CFAP36: variants seen among roughly 807,000 people sequenced by gnomAD.
The protein encoded by CFAP36 is cilia- and flagella-associated protein 36.
Under a neutral mutation model 50.5 loss-of-function variants are expected in CFAP36, and 37 were observed. The observed-to-expected ratio is 0.73, with a 90% CI of 0.56 to 0.96. The LOEUF is 0.96. Ranked by LOEUF, CFAP36 falls within the 50% of genes least tolerant of loss-of-function variation. CFAP36 has a pLI of 0.00. For missense variants in CFAP36, 407 were observed against 396.2 expected, an observed-to-expected ratio of 1.03 and a Z score of -0.23; for synonymous variants, 138 against 128.2, an observed-to-expected ratio of 1.08 and a Z score of -0.52.
chr2:55,543,484 C>T (rs941476231), intron 7 of CFAP36, among the ~76,000 whole-genome samples: 2 of 152,102 alleles, frequency 1.3e-5, no homozygotes, highest in African/African-American at 2.4e-5. Flanking sequence ...TGCACTCTTG[C>T]AATACAAAAA....
At chr2:55,524,612 C>T (rs1684153126) in intron 3 of CFAP36, among the ~76,000 whole-genome samples, 1 of 151,902 alleles carries the variant, frequency 6.6e-6, no homozygotes, top group African/African-American at 2.4e-5. Context: ...ATATTTTGGG[C>T]ACTTGACATG....
Position 55,519,726 on chromosome 2 carries a change from T to C in CFAP36, c.-76T>C, listed in dbSNP as rs1305449189. The C allele has an allele frequency of 4.8e-6, 7 of 1,443,668 alleles. No individual in the cohort carries two copies. The highest frequency in any genetic ancestry group is 1.4e-5 in the African/African-American group (1 of 71,606). The allele number at this position is 1,443,668 out of a possible 1,614,324, so 89.4% of individuals were successfully genotyped here. Reference sequence around the variant, plus strand: ...AGCTCTTCCCCTACTCCCTCTCGGCTCCTTGTGGCCCAAAGGCCTAACCGG... The same window carrying C: ...AGCTCTTCCCCTACTCCCTCTCGGCCCCTTGTGGCCCAAAGGCCTAACCGG... On this transcript the variant is annotated 5_prime_UTR_variant, in exon 1 of 10. Coordinates refer to ENST00000349456, the MANE Select transcript of CFAP36 (RefSeq NM_080667.7).
chr2:55,523,572 T>C (rs1684127067), intron 2 of CFAP36, 149 bp from the exon 3 acceptor site: 1 of 475,902 alleles, frequency 2.1e-6, no homozygotes, highest in East Asian at 3.2e-5. Context: ...AATTTGTGTT[T>C]TGGTGAAAGA....
intron 1 of CFAP36, chr2:55,520,592 C>T: frequency 1.3e-6 from 1 of 749,882 alleles, no homozygotes; most frequent in South Asian, 2.8e-5. Flanking sequence ...GGACAGGCAT[C>T]TCCGGGTTCT....
chr2:55,539,022 A>G (rs898348009), intron 7 of CFAP36: 5 of 1,000,142 alleles, frequency 5.0e-6, no homozygotes, highest in Non-Finnish European at 6.7e-6. Flanking sequence ...TTTCCCCCAT[A>G]TAGTCCCTGC....
chr2:55,522,953 G>T (rs1271979176), intron 2 of CFAP36, among the ~76,000 whole-genome samples: 1 of 151,948 alleles, frequency 6.6e-6, no homozygotes, highest in Non-Finnish European at 1.5e-5. Context: ...AAATTAATCA[G>T]TCATGATGGC....
rs1000079986 is a variant in CFAP36, at chr2:55,521,589, GTA to G, written c.116-507_116-506del. The stretch of plus-strand genomic sequence containing the variant: ...CAAAAAAGCTTGTTTACAATTAATA[GTA>G]TATATGTGTGTGTGTGTGTGTGTGT... On this transcript the variant is annotated intron_variant, in intron 1 of 9. Coordinates refer to ENST00000349456, the MANE Select transcript of CFAP36 (RefSeq NM_080667.7). Among the ~76,000 whole-genome samples, 272 of 132,140 alleles carry G rather than the reference GTA, an allele frequency of 2.1e-3. 2 individuals carry two copies. The Middle Eastern group carries it at 0.026, about 13-fold the overall frequency. The allele number at this position is 132,140 out of a possible 152,430, so 86.7% of individuals were successfully genotyped here.
intron 3 of CFAP36, 128 bp downstream of exon 3, chr2:55,523,950 A>C (rs1392072932): frequency 1.2e-5 from 7 of 561,786 alleles, no homozygotes; most frequent in Non-Finnish European, 2.1e-5. Context: ...TAGAAAGATA[A>C]TTCATCACAT....
intron 6 of CFAP36, among the ~76,000 whole-genome samples, chr2:55,536,425 C>T (rs113399145): frequency 1.3e-5 from 2 of 151,672 alleles, no homozygotes; most frequent in African/African-American, 4.8e-5. Context: ...GCCACCATGC[C>T]CGGCCAGAAC....
intron 1 of CFAP36, chr2:55,520,342 C>T: frequency 7.1e-7 from 1 of 1,404,226 alleles, no homozygotes. Flanking sequence ...CTTATGATCC[C>T]TAGCATTTCG....
At chr2:55,528,511 A>T (rs1313813784) in intron 3 of CFAP36, among the ~76,000 whole-genome samples, 1 of 152,024 alleles carries the variant, frequency 6.6e-6, no homozygotes, top group Admixed American at 6.6e-5. Flanking sequence ...CTCCGGTCTC[A>T]GCCTCCTGAG....
At chr2:55,532,670 C>G (rs994630024) in intron 4 of CFAP36, among the ~76,000 whole-genome samples, 6 of 152,088 alleles carry the variant, frequency 3.9e-5, no homozygotes, top group Non-Finnish European at 8.8e-5. Flanking sequence ...TACAATTGCA[C>G]TTACCTCAAA....
intron 7 of CFAP36, 106 bp downstream of exon 7, chr2:55,537,691 G>T: frequency 1.3e-6 from 1 of 744,526 alleles, no homozygotes; most frequent in South Asian, 2.1e-5. Flanking sequence ...CCCTGGGAGG[G>T]AGTATTGAAT....
intron 4 of CFAP36, 85 bp from the exon 5 acceptor site, chr2:55,533,788 C>T: frequency 1.5e-6 from 1 of 657,062 alleles, no homozygotes; most frequent in Non-Finnish European, 2.6e-6. Context: ...CTGAAGGTAA[C>T]TTGTACTTAA....
intron 7 of CFAP36, among the ~76,000 whole-genome samples, 185 bp downstream of exon 7, chr2:55,537,770 A>G (rs17792798): frequency 0.089 from 13,617 of 152,268 alleles, 749 homozygotes; most frequent in South Asian, 0.14. Context: ...GACCTGAAAG[A>G]GAGCGTATAG....
intron 7 of CFAP36, among the ~76,000 whole-genome samples, chr2:55,541,350 G>C (rs545627202): frequency 3.3e-5 from 5 of 152,006 alleles, no homozygotes; most frequent in Non-Finnish European, 7.4e-5. Flanking sequence ...AAAAACCATG[G>C]AATATTTCTC....
intron 3 of CFAP36, among the ~76,000 whole-genome samples, chr2:55,527,017 G>A (rs1684225898): frequency 6.6e-6 from 1 of 151,116 alleles, no homozygotes; most frequent in Non-Finnish European, 1.5e-5. Context: ...TGCAGAGTGA[G>A]ACCCTGTCTC....
chr2:55,539,413 C>T (rs558353377), intron 7 of CFAP36: 1 of 152,282 alleles, frequency 6.6e-6, no homozygotes, highest in East Asian at 1.9e-4. Flanking sequence ...TAGTAATAAT[C>T]CATTTAAGAT....
intron 4 of CFAP36, among the ~76,000 whole-genome samples, chr2:55,530,039 CAAT>C (rs1453451432): frequency 6.6e-6 from 1 of 152,148 alleles, no homozygotes; most frequent in African/African-American, 2.4e-5. Flanking sequence ...GCATTTTTAA[CAAT>C]GATATGGTTT....
Sources: gnomAD v4.1 joint callset for allele counts (sites outside exome capture counted in the v4.1 genomes callset) on GRCh38, gnomAD v4.1.1 for gene constraint, MANE v1.5 for transcripts, NCBI Gene and HGNC (gene_info 2026-07-23, HGNC 2026-07-21) for gene names.